The following CDH18 variants were observed in gnomAD, a reference collection of about 807,000 sequenced individuals.
CDH18 encodes the protein cadherin 18, also known as cadherin-18.
In CDH18, 31 loss-of-function variants were observed where a neutral mutation model predicts 67.9. The observed-to-expected ratio is 0.46, with a 90% CI of 0.34 to 0.62. CDH18 has a LOEUF of 0.62. Among genes scored for constraint, CDH18 ranks in the 20% least tolerant of loss-of-function variants. The pLI, the probability that CDH18 is intolerant of heterozygous loss-of-function variation, is 0.01. For missense variants in CDH18, 890 were observed against 975.5 expected (o/e 0.91, Z 1.17); for synonymous variants, 362 against 347.2 (o/e 1.04, Z -0.48).
chr5:19,793,160 T>A (rs1414993976), intron 3 of CDH18, among the ~76,000 whole-genome samples: 1 of 152,148 alleles, frequency 6.6e-6, no homozygotes, highest in Admixed American at 6.6e-5. Context: ...ATTTTGCTGT[T>A]TTCTTCTAAA....
chr5:19,556,154 T>C (rs1399202918), intron 8 of CDH18, among the ~76,000 whole-genome samples: 1 of 152,142 alleles, frequency 6.6e-6, no homozygotes, highest in Non-Finnish European at 1.5e-5. Context: ...CCCTCTGACA[T>C]AGTCTACCCA....
intron 2 of CDH18, among the ~76,000 whole-genome samples, chr5:20,059,307 G>A (rs1164715730): frequency 6.6e-6 from 1 of 151,982 alleles, no homozygotes; most frequent in Non-Finnish European, 1.5e-5. Flanking sequence ...TTTTTTGAAG[G>A]GTTTTGCGTG....
intron 3 of CDH18, among the ~76,000 whole-genome samples, chr5:19,759,726 T>C (rs1772089084): frequency 6.6e-6 from 1 of 152,110 alleles, no homozygotes; most frequent in Non-Finnish European, 1.5e-5. Flanking sequence ...ATGGTTAACC[T>C]GATAAAAGGC....
At chr5:20,390,238 ATC>A (rs1744719114) in intron 1 of CDH18, among the ~76,000 whole-genome samples, 1 of 151,538 alleles carries the variant, frequency 6.6e-6, no homozygotes, top group South Asian at 2.1e-4. Flanking sequence ...CAATCTACTC[ATC>A]TGACAAAGGG....
At chr5:20,376,133 A>G (rs10075721) in intron 1 of CDH18, among the ~76,000 whole-genome samples, 53,312 of 94,418 alleles carry the variant, frequency 0.56, 11,540 homozygotes, top group East Asian at 0.72. Flanking sequence ...TCCCTCTGTC[A>G]CCCAGGCTGG....
intron 2 of CDH18, among the ~76,000 whole-genome samples, chr5:20,242,636 A>ATATATATATATG (rs1554106679): frequency 0.017 from 993 of 58,380 alleles, 50 homozygotes; most frequent in Admixed American, 0.024. Flanking sequence ...ATATATATGT[A>ATATATATATATG]TATATATATA....
chr5:19,473,784 C>A, intron 12 of CDH18, 68 bp from the exon 13 acceptor site: 1 of 1,302,456 alleles, frequency 7.7e-7, no homozygotes, highest in Non-Finnish European at 1.1e-6. Flanking sequence ...GATTTTACAA[C>A]AGCAATTTCC....
intron 1 of CDH18, among the ~76,000 whole-genome samples, chr5:20,482,942 C>G (rs978343750): frequency 1.3e-5 from 2 of 151,484 alleles, no homozygotes; most frequent in East Asian, 3.9e-4. Flanking sequence ...AGAAATCAGA[C>G]AAGAGAAAAA....
intron 1 of CDH18, among the ~76,000 whole-genome samples, chr5:20,276,784 A>T (rs1745844453): frequency 6.6e-6 from 1 of 152,144 alleles, no homozygotes; most frequent in Non-Finnish European, 1.5e-5. Flanking sequence ...AGGGGAGCCC[A>T]TTGCCCTGAA....
chr5:19,643,681 GT>G (rs1171917896), intron 5 of CDH18, among the ~76,000 whole-genome samples: 1 of 152,094 alleles, frequency 6.6e-6, no homozygotes, highest in Non-Finnish European at 1.5e-5. Context: ...TCACAGGTAG[GT>G]TGGGAGTGAT....
intron 2 of CDH18, among the ~76,000 whole-genome samples, chr5:20,160,983 T>C (rs1244428348): frequency 6.6e-6 from 1 of 152,218 alleles, no homozygotes; most frequent in Non-Finnish European, 1.5e-5. Context: ...TAATGTTTTA[T>C]TGAAACAGCA....
chr5:20,482,708 T>G (rs80165245), intron 1 of CDH18, among the ~76,000 whole-genome samples: 1,930 of 152,158 alleles, frequency 0.013, 29 homozygotes, highest in Non-Finnish European at 0.019. Flanking sequence ...AAAAAGCATT[T>G]GATAAAGTTC....
At chr5:20,448,967 G>T (rs1876587) in intron 1 of CDH18, among the ~76,000 whole-genome samples, 6,870 of 151,654 alleles carry the variant, frequency 0.045, 494 homozygotes, top group African/African-American at 0.15. Context: ...TGTGAAAAAG[G>T]CCAACTAGAG....
At chr5:20,309,251 T>C (rs1736778301) in intron 1 of CDH18, among the ~76,000 whole-genome samples, 1 of 152,194 alleles carries the variant, frequency 6.6e-6, no homozygotes. Context: ...GGATTTTGCT[T>C]TGGCAAATAT....
chr5:19,745,806 T>C (rs1033188714), intron 4 of CDH18, among the ~76,000 whole-genome samples: 1 of 152,070 alleles, frequency 6.6e-6, no homozygotes, highest in Non-Finnish European at 1.5e-5. Flanking sequence ...CCTTACCTGC[T>C]CCTACAGCAG....
chr5:19,712,501 T>C (rs969216644), intron 5 of CDH18, among the ~76,000 whole-genome samples: 8 of 151,856 alleles, frequency 5.3e-5, no homozygotes, highest in African/African-American at 1.9e-4. Flanking sequence ...AGAGATTAGT[T>C]CTAAGAGTCC....
intron 2 of CDH18, among the ~76,000 whole-genome samples, chr5:20,005,865 A>C (rs1286913894): frequency 6.6e-6 from 1 of 152,014 alleles, no homozygotes; most frequent in African/African-American, 2.4e-5. Flanking sequence ...ACTACGTTTC[A>C]TGGATTGATT....
intron 2 of CDH18, among the ~76,000 whole-genome samples, chr5:19,952,919 C>G (rs1010266942): frequency 6.6e-6 from 1 of 152,048 alleles, no homozygotes; most frequent in African/African-American, 2.4e-5. Flanking sequence ...AGAAACTTTA[C>G]CATCTGAATT....
chr5:20,184,214 T>C (rs998389657), intron 2 of CDH18, among the ~76,000 whole-genome samples: 19 of 152,050 alleles, frequency 1.2e-4, no homozygotes, highest in Admixed American at 1.2e-3. Flanking sequence ...TAAATATATT[T>C]TAAGGCACAG....
Sources: allele counts gnomAD v4.1 joint callset (sites outside exome capture counted in the v4.1 genomes callset), GRCh38; gene constraint gnomAD v4.1.1; transcripts MANE v1.5; gene names NCBI Gene and HGNC (gene_info 2026-07-23, HGNC 2026-07-21).